Variants in SYNPO2 observed in about 807,000 individuals in gnomAD.
SYNPO2 encodes the protein synaptopodin 2, also known as synaptopodin-2.
A neutral mutation model predicts 85.0 loss-of-function variants in SYNPO2; 56 were observed. That is an observed-to-expected ratio of 0.66 (90% CI 0.53 to 0.82). The LOEUF is 0.82. SYNPO2 is among the 40% of genes least tolerant of loss of function. The pLI is 0.00. For synonymous variants in SYNPO2, 602 were observed against 591.1 expected (o/e 1.02, Z -0.27); for missense variants, 1,575 against 1,534.2 (o/e 1.03, Z -0.44).
At chr4:118,877,951 A>G (rs753145907) in intron 1 of SYNPO2, among the ~76,000 whole-genome samples, 1 of 152,220 alleles carries the variant, frequency 6.6e-6, no homozygotes, top group Admixed American at 6.5e-5. Context: ...AAGACTTGGA[A>G]TCAATCTAAA....
chr4:119,060,299 A>C lies in SYNPO2; in HGVS notation c.*2365A>C, dbSNP rs556813275. ...GAATTTATTCGAGACATTAAGAAAA[A>C]GACAGTACATGGTGGGAAAGCTGCA... On this transcript the variant is annotated 3_prime_UTR_variant, in exon 5 of 5. Coordinates refer to ENST00000307142, the MANE Select transcript of SYNPO2 (RefSeq NM_133477.3). 8.5e-5 allele frequency: 13 copies of C among 152,198 alleles called. No individual in the cohort carries two copies. The highest frequency in any genetic ancestry group is 1.3e-4 in the Non-Finnish European group (9 of 68,016). The allele number at this position is 152,198 out of a possible 1,614,324, so 9.4% of individuals were successfully genotyped here.
chr4:119,012,487 T>C (rs189499292), intron 1 of SYNPO2, among the ~76,000 whole-genome samples: 190 of 151,092 alleles, frequency 1.3e-3, no homozygotes, highest in African/African-American at 3.4e-3. Context: ...CCTATCAACC[T>C]GTCATCTAGG....
At chr4:118,939,860 C>G (rs578223217) in intron 1 of SYNPO2, among the ~76,000 whole-genome samples, 1 of 152,056 alleles carries the variant, frequency 6.6e-6, no homozygotes, top group Non-Finnish European at 1.5e-5. Flanking sequence ...AGTGTTCTCA[C>G]GTAATATCAC....
At chr4:119,046,892 A>G (rs1427061989) in intron 4 of SYNPO2, among the ~76,000 whole-genome samples, 3 of 152,236 alleles carry the variant, frequency 2.0e-5, no homozygotes, top group Admixed American at 2.0e-4. Context: ...AGCAGAAAGT[A>G]AAACTTTTTG....
At chr4:118,932,755 T>C (rs1733973895) in intron 1 of SYNPO2, among the ~76,000 whole-genome samples, 1 of 152,228 alleles carries the variant, frequency 6.6e-6, no homozygotes, top group African/African-American at 2.4e-5. Flanking sequence ...ATAAAACTGA[T>C]AGAAAAGTGG....
chr4:118,886,369 A>G (rs1462639619), upstream of SYNPO2, among the ~76,000 whole-genome samples: 8 of 152,118 alleles, frequency 5.3e-5, no homozygotes, highest in Non-Finnish European at 1.0e-4. Context: ...TAAGCCCCGC[A>G]TGCGTTATGT....
intron 1 of SYNPO2, among the ~76,000 whole-genome samples, chr4:118,880,024 C>T (rs1430481500): frequency 6.6e-6 from 1 of 152,150 alleles, no homozygotes; most frequent in Non-Finnish European, 1.5e-5. Context: ...CTTTCCTCTC[C>T]CTCTGAGACC....
intron 1 of SYNPO2, among the ~76,000 whole-genome samples, chr4:118,892,024 T>C (rs140113060): frequency 1.1e-4 from 16 of 152,266 alleles, no homozygotes; most frequent in African/African-American, 3.8e-4. Context: ...AAAAAAACAG[T>C]CTAATGTTAT....
intron 1 of SYNPO2, among the ~76,000 whole-genome samples, chr4:118,871,351 CTCTTT>C (rs1314490066): frequency 6.6e-6 from 1 of 151,636 alleles, no homozygotes; most frequent in Non-Finnish European, 1.5e-5. Flanking sequence ...AGTGCCCAGC[CTCTTT>C]TCTTTTTTTT....
At chr4:119,051,748 A>T (rs1028845369) in intron 4 of SYNPO2, among the ~76,000 whole-genome samples, 1 of 152,202 alleles carries the variant, frequency 6.6e-6, no homozygotes, top group African/African-American at 2.4e-5. Flanking sequence ...ACTGAAAATG[A>T]GATGACAGGA....
At chr4:118,892,518 T>C (rs973116741) in intron 1 of SYNPO2, among the ~76,000 whole-genome samples, 3 of 152,188 alleles carry the variant, frequency 2.0e-5, no homozygotes, top group Admixed American at 6.5e-5. Flanking sequence ...TGAAACTCTC[T>C]CTTTTGGGAC....
chr4:118,936,550 A>C (rs967790889), intron 1 of SYNPO2, among the ~76,000 whole-genome samples: 2 of 152,166 alleles, frequency 1.3e-5, no homozygotes. Flanking sequence ...CAGGTCACTG[A>C]CATTACTGTT....
Position 119,057,613 on chromosome 4 carries a change from C to T in SYNPO2, c.3465C>T (p.Ser1155=), listed in dbSNP as rs1240308685. Residue 1155 remains serine (S), a synonymous_variant, in exon 5 of 5, where the codon TCC becomes TCT. Transcript: ENST00000307142. ...DAFQPRNIQE[S]IVANVVSAAR... ...TCCAACCCAGAAACATCCAGGAATC[C>T]ATTGTGGCAAATGTGGTTTCAGCAG... The T allele has an allele frequency of 6.2e-7, 1 of 1,613,972 alleles. No homozygotes were observed. The highest frequency in any genetic ancestry group is 2.2e-5 in the East Asian group (1 of 44,872).
At chr4:118,949,875 A>T (rs928883610) in intron 1 of SYNPO2, among the ~76,000 whole-genome samples, 1 of 152,212 alleles carries the variant, frequency 6.6e-6, no homozygotes, top group Non-Finnish European at 1.5e-5. Context: ...AATACAAATC[A>T]CAAATATAAT....
At chr4:118,887,855 G>C (rs577434800), upstream of SYNPO2, among the ~76,000 whole-genome samples, 155 of 152,216 alleles carry the variant, frequency 1.0e-3, no homozygotes, top group African/African-American at 3.5e-3. Flanking sequence ...ATTTTGTTTG[G>C]TACCACAAGT....
chr4:119,004,180 A>G (rs921719182), intron 1 of SYNPO2, among the ~76,000 whole-genome samples: 4 of 152,144 alleles, frequency 2.6e-5, no homozygotes, highest in African/African-American at 4.8e-5. Flanking sequence ...CTTAGGGTTC[A>G]CTATTCCCAA....
Position 119,058,076 on chromosome 4 carries a change from CTGTGTGTGTGTG to C in SYNPO2, c.*152_*163del, listed in dbSNP as rs35036907. The C allele has an allele frequency of 0.019, 10,804 of 565,626 alleles. 463 individuals carry two copies. Among genetic ancestry groups the C allele is most frequent in the African/African-American group, 0.13 (6,782 of 53,060 alleles). The allele number at this position is 565,626 out of a possible 1,614,324, so 35.0% of individuals were successfully genotyped here. A position where few individuals can be genotyped will look rare whatever the true frequency, so the allele number is the denominator to read the frequency against. On this transcript the variant is annotated 3_prime_UTR_variant, in exon 5 of 5. Coordinates refer to ENST00000307142, the MANE Select transcript of SYNPO2 (RefSeq NM_133477.3). ...AAGTCATTTATCTAAGTTTGTGTTT[CTGTGTGTGTGTG>C]TGTGTGTGTATGTATGTGAATATAC...
chr4:119,000,030 G>C (rs116279892), intron 1 of SYNPO2, among the ~76,000 whole-genome samples: 17 of 152,212 alleles, frequency 1.1e-4, no homozygotes, highest in Admixed American at 2.0e-4. Flanking sequence ...TGGGAAAAAA[G>C]CAACTCTCCT....
chr4:118,884,735 G>A (rs941374112), upstream of SYNPO2, among the ~76,000 whole-genome samples: 1 of 152,092 alleles, frequency 6.6e-6, no homozygotes, highest in African/African-American at 2.4e-5. Flanking sequence ...TCTTTTCTAT[G>A]TCTTTATTCT....
Sources: gnomAD v4.1 joint callset for allele counts (sites outside exome capture counted in the v4.1 genomes callset) on GRCh38, gnomAD v4.1.1 for gene constraint, MANE v1.5 for transcripts, NCBI Gene and HGNC (gene_info 2026-07-23, HGNC 2026-07-21) for gene names.